GPR149: variants seen among roughly 807,000 people sequenced by gnomAD.
GPR149 encodes probable G protein-coupled receptor 149.
In GPR149, 50 loss-of-function variants were observed where a neutral mutation model predicts 50.2. The observed-to-expected ratio is 1.00, with a 90% CI of 0.79 to 1.26. The LOEUF (loss-of-function observed/expected upper bound fraction) is 1.26. GPR149 is among the 50% of genes most tolerant of loss of function. The pLI is 0.00. For synonymous variants in GPR149, 405 were observed against 358.2 expected (o/e 1.13, Z -1.48); for missense variants, 983 against 895.4 (o/e 1.10, Z -1.25).
At chr3:154,412,283 G>A (rs932939636) in intron 3 of GPR149, among the ~76,000 whole-genome samples, 5 of 151,976 alleles carry the variant, frequency 3.3e-5, no homozygotes, top group Non-Finnish European at 7.4e-5. Context: ...CCCCTGAGAC[G>A]TGGAACAAGA....
At chr3:154,354,692 A>G (rs890730204) in intron 3 of GPR149, 6 of 444,034 alleles carry the variant, frequency 1.4e-5, no homozygotes, top group Non-Finnish European at 2.3e-5. Flanking sequence ...AGAGTATAGT[A>G]CAAATTAGGT....
At chr3:154,348,161 T>G (rs568120177) in intron 3 of GPR149, among the ~76,000 whole-genome samples, 1 of 152,188 alleles carries the variant, frequency 6.6e-6, no homozygotes, top group African/African-American at 2.4e-5. Flanking sequence ...TTTTTAAGCT[T>G]TCTAATCCTA....
chr3:154,347,346 C>T (rs899465225), intron 3 of GPR149, among the ~76,000 whole-genome samples: 3 of 152,186 alleles, frequency 2.0e-5, no homozygotes, highest in East Asian at 1.9e-4. Context: ...AAGCACATCC[C>T]TCGTCACATA....
chr3:154,392,711 C>T (rs968190235), intron 3 of GPR149, among the ~76,000 whole-genome samples: 1 of 149,916 alleles, frequency 6.7e-6, no homozygotes, highest in African/African-American at 2.4e-5. Context: ...GAGGGAAGGC[C>T]CAAATAAATA....
intron 3 of GPR149, among the ~76,000 whole-genome samples, chr3:154,413,855 C>T (rs1711910688): frequency 1.3e-5 from 2 of 151,634 alleles, no homozygotes; most frequent in African/African-American, 4.8e-5. Flanking sequence ...CTTGCACATG[C>T]ATGTTTATCA....
intron 3 of GPR149, among the ~76,000 whole-genome samples, chr3:154,358,148 G>C (rs1015925108): frequency 1.1e-4 from 17 of 152,026 alleles, no homozygotes; most frequent in Admixed American, 1.1e-3. Flanking sequence ...TGTGGGGTGG[G>C]GGGTGTGGGG....
At chr3:154,382,955 G>C (rs1515651) in intron 3 of GPR149, among the ~76,000 whole-genome samples, 18,899 of 152,072 alleles carry the variant, frequency 0.12, 1,343 homozygotes, top group East Asian at 0.22. Context: ...GAAATTAGTG[G>C]GGCAGGATTA....
intron 3 of GPR149, among the ~76,000 whole-genome samples, chr3:154,413,100 A>G (rs890296821): frequency 6.6e-6 from 1 of 152,134 alleles, no homozygotes; most frequent in Non-Finnish European, 1.5e-5. Flanking sequence ...GGCAAACCAC[A>G]TGTAGAAGAA....
chr3:154,403,355 A>C (rs1012063900), intron 3 of GPR149, among the ~76,000 whole-genome samples: 4 of 152,190 alleles, frequency 2.6e-5, no homozygotes, highest in Non-Finnish European at 5.9e-5. Flanking sequence ...ACAAATGTAC[A>C]ATATGGGATG....
chr3:154,353,269 G>A, intron 3 of GPR149: 1 of 1,445,972 alleles, frequency 6.9e-7, no homozygotes, highest in Non-Finnish European at 9.7e-7. Context: ...GCAGCCTTTT[G>A]AGTCATTTAT....
At position 154,337,286 on chromosome 3, in the gene GPR149, T is replaced by G. The variant is rs1713675979; in HGVS notation, c.*413A>C. Among the ~76,000 whole-genome samples the G allele has an allele frequency of 6.6e-6, 1 of 152,180 alleles. No homozygotes were observed. The highest frequency in any genetic ancestry group is 1.5e-5 in the Non-Finnish European group (1 of 68,016). ...ATAATTTGGGGTTTTGTTACATTTCTTCCATTCCCAGAATTCCTCTTTTTT... is the reference window on the plus strand; with the variant it reads ...ATAATTTGGGGTTTTGTTACATTTCGTCCATTCCCAGAATTCCTCTTTTTT... On this transcript the variant is annotated 3_prime_UTR_variant, in exon 4 of 4. Coordinates refer to ENST00000389740, the MANE Select transcript of GPR149 (RefSeq NM_001038705.3).
In GPR149 at chr3:154,400,010, G is replaced by A. The variant is rs547280361; in HGVS notation, c.1623+21029C>T. On this transcript the variant is annotated intron_variant, in intron 3 of 3. Transcript: ENST00000389740. ...ATTATTATTATTATTATTTTGAGACGGAGTCTCACTCTGTTGCCCAGGCTG... is the reference window on the plus strand; with the variant it reads ...ATTATTATTATTATTATTTTGAGACAGAGTCTCACTCTGTTGCCCAGGCTG... Among the ~76,000 whole-genome samples, 173 of 152,164 alleles carry A rather than the reference G, an allele frequency of 1.1e-3. No homozygotes were observed. In the Middle Eastern group the frequency reaches 0.017, roughly 15 times the overall value.
chr3:154,354,108 A>C (rs1714156049), intron 3 of GPR149: 1 of 494,450 alleles, frequency 2.0e-6, no homozygotes, highest in African/African-American at 2.1e-5. Context: ...ATCCTTCTTC[A>C]GTGTCTCCAT....
intron 2 of GPR149, among the ~76,000 whole-genome samples, chr3:154,427,261 C>T (rs1712328502): frequency 1.3e-5 from 2 of 148,722 alleles, no homozygotes; most frequent in Non-Finnish European, 3.0e-5. Flanking sequence ...CTAGTCTTCC[C>T]TTTTTTTTTT....
intron 3 of GPR149, among the ~76,000 whole-genome samples, chr3:154,349,796 A>C (rs1714023936): frequency 6.6e-6 from 1 of 152,236 alleles, no homozygotes; most frequent in Non-Finnish European, 1.5e-5. Context: ...AAATAAAACT[A>C]TAGATTAGTA....
chr3:154,392,452 A>C (rs1715192991), intron 3 of GPR149, among the ~76,000 whole-genome samples: 1 of 151,872 alleles, frequency 6.6e-6, no homozygotes, highest in African/African-American at 2.4e-5. Context: ...CTAAGAGAGA[A>C]GTTTATAGCA....
At chr3:154,387,957 A>T (rs1715081798) in intron 3 of GPR149, among the ~76,000 whole-genome samples, 1 of 152,202 alleles carries the variant, frequency 6.6e-6, no homozygotes, top group Admixed American at 6.5e-5. Context: ...AAGTCTAAGC[A>T]TAGCTTATTT....
intron 3 of GPR149, among the ~76,000 whole-genome samples, chr3:154,356,682 G>A (rs1441808559): frequency 1.3e-5 from 2 of 152,004 alleles, no homozygotes; most frequent in Non-Finnish European, 1.5e-5. Context: ...AAATAAAAGA[G>A]GATACAAACA....
chr3:154,368,634 A>C (rs1714595569), intron 3 of GPR149, among the ~76,000 whole-genome samples: 1 of 152,192 alleles, frequency 6.6e-6, no homozygotes, highest in Non-Finnish European at 1.5e-5. Flanking sequence ...TGGAAGGAAG[A>C]AAATATAGTC....
Sources: allele counts gnomAD v4.1 joint callset (sites outside exome capture counted in the v4.1 genomes callset), GRCh38; gene constraint gnomAD v4.1.1; transcripts MANE v1.5; gene names NCBI Gene and HGNC (gene_info 2026-07-23, HGNC 2026-07-21).